Variants in CPXM2 observed in about 807,000 individuals in gnomAD.
CPXM2 encodes the protein inactive carboxypeptidase-like protein X2.
A neutral mutation model predicts 86.1 loss-of-function variants in CPXM2; 66 were observed. The observed-to-expected ratio is 0.77, with a 90% CI of 0.63 to 0.94. CPXM2 has a LOEUF of 0.94. Ranked by LOEUF, CPXM2 falls within the 40% of genes least tolerant of loss-of-function variation. CPXM2 has a pLI of 0.00. For missense variants in CPXM2, 948 were observed against 1,026.3 expected, an observed-to-expected ratio of 0.92 and a Z score of 1.04; for synonymous variants, 388 against 400.2, an observed-to-expected ratio of 0.97 and a Z score of 0.36.
At position 123,747,036 on chromosome 10, in the gene CPXM2, G is replaced by A. The variant is rs759993044; in HGVS notation, c.2018-19C>T. 6 of 1,612,702 alleles carry A rather than the reference G, an allele frequency of 3.7e-6. No homozygotes were observed. Among genetic ancestry groups the A allele is most frequent in the East Asian group, 2.2e-5 (1 of 44,880 alleles). On this transcript the variant is annotated intron_variant, in intron 13 of 13. Transcript: ENST00000241305. ...TCGTTGGCTGTGAAAAAGAAAACCA[G>A]GGGAGACTCAGAGCAGCTCTTGCTA... is the stretch of plus-strand genomic sequence containing the variant.
At chr10:123,798,237 T>A in intron 5 of CPXM2, 111 bp from the exon 6 acceptor site, 1 of 854,082 alleles carries the variant, frequency 1.2e-6, no homozygotes, top group Non-Finnish European at 1.6e-6. Flanking sequence ...ACCTAATGTG[T>A]GCTGTGCATT....
chr10:123,807,826 GA>G (rs573916403), intron 4 of CPXM2, among the ~76,000 whole-genome samples: 37 of 152,286 alleles, frequency 2.4e-4, no homozygotes, highest in African/African-American at 7.7e-4. Context: ...AATCTTCAGG[GA>G]AAGTTTAAAA....
At chr10:123,909,457 T>G (rs1251988143) in intron 2 of CPXM2, among the ~76,000 whole-genome samples, 2 of 152,242 alleles carry the variant, frequency 1.3e-5, no homozygotes, top group African/African-American at 4.8e-5. Context: ...GCTGTATAAT[T>G]TATATTCCAC....
rs1193216339 is a variant in CPXM2, at chr10:123,891,362, G to C, written c.298C>G (p.Pro100Ala). Residue 100 changes from proline to alanine, a missense_variant, in exon 1 of 14, where the codon CCA becomes GCA. Coordinates refer to ENST00000241305, the MANE Select transcript of CPXM2 (RefSeq NM_198148.3). This position sits in a 1 kb window ranked among gnomAD's most constrained non-coding sequence, Gnocchi z 5.6. ...AGCGCAGAAAGTTCCTTACCTGGTG[G>C]AGGCGGCTCCGGAGCCGACTTCTCC... ...KREKSAPEPP[P>A]PGKHSNKKVM... 2 of 1,548,014 alleles carry C rather than the reference G, an allele frequency of 1.3e-6. No homozygotes were observed. The highest frequency in any genetic ancestry group is 2.4e-5 in the South Asian group (2 of 82,946).
chr10:123,765,372 T>C (rs952952253), intron 10 of CPXM2, among the ~76,000 whole-genome samples: 2 of 152,222 alleles, frequency 1.3e-5, no homozygotes, highest in Admixed American at 1.3e-4. Context: ...CAAGCTCAAA[T>C]AACTAAATTC....
chr10:123,791,293 G>T (rs1401407407), intron 6 of CPXM2, among the ~76,000 whole-genome samples: 1 of 152,214 alleles, frequency 6.6e-6, no homozygotes, highest in Non-Finnish European at 1.5e-5. Flanking sequence ...GCACATGCCT[G>T]TAATCCCAGC....
chr10:123,820,967 G>A (rs546321728), intron 4 of CPXM2, among the ~76,000 whole-genome samples: 3 of 152,174 alleles, frequency 2.0e-5, no homozygotes, highest in Admixed American at 6.5e-5. Context: ...CTGAAGATTA[G>A]TATGTGAATG....
At chr10:123,910,782 G>A (rs553511476) in intron 2 of CPXM2, among the ~76,000 whole-genome samples, 5 of 152,302 alleles carry the variant, frequency 3.3e-5, no homozygotes, top group African/African-American at 1.2e-4. Flanking sequence ...TCACGGTCCT[G>A]AAGGCCAGAA....
At chr10:123,878,912 G>A (rs565944198) in intron 2 of CPXM2, among the ~76,000 whole-genome samples, 1 of 152,096 alleles carries the variant, frequency 6.6e-6, no homozygotes, top group Non-Finnish European at 1.5e-5. Context: ...TCAAGGTGAG[G>A]AGTCCTATTA....
At chr10:123,866,627 G>A (rs1040013519) in intron 2 of CPXM2, among the ~76,000 whole-genome samples, 2 of 152,074 alleles carry the variant, frequency 1.3e-5, no homozygotes, top group African/African-American at 4.8e-5. Flanking sequence ...CTGTTGACGT[G>A]GCAGGCAGGC....
At chr10:123,939,683 C>T (rs1049612593) in intron 1 of CPXM2, among the ~76,000 whole-genome samples, 2 of 152,230 alleles carry the variant, frequency 1.3e-5, no homozygotes, top group South Asian at 2.1e-4. Flanking sequence ...ATGGGGAGGC[C>T]GGGCCTAAGG....
intron 4 of CPXM2, among the ~76,000 whole-genome samples, chr10:123,832,319 G>C (rs1040364520): frequency 6.6e-6 from 1 of 152,132 alleles, no homozygotes; most frequent in East Asian, 1.9e-4. Context: ...GCACATACAA[G>C]ACCAGGCCTG....
At position 123,842,476 on chromosome 10, in the gene CPXM2, C is replaced by A. The variant is rs1318243446; in HGVS notation, c.526G>T (p.Glu176Ter). ...GRLNIQAGIN[E>*]NDFYDGAWCA... ...CACGCTCCGTCATAAAAATCATTTT[C>A]ATTAATGCCCGCCTAGAAAGAAAGA... The change falls in exon 4 of 14, where the codon GAA becomes TAA. Residue 176 changes from glutamate (E) to a stop codon, truncating the protein, a stop_gained. Transcript: ENST00000241305. LOFTEE classifies it high-confidence loss of function. 1 of 1,614,128 alleles carries A rather than the reference C, an allele frequency of 6.2e-7. No homozygotes were observed. The highest frequency in any genetic ancestry group is 2.2e-5 in the East Asian group (1 of 44,884).
chr10:123,778,076 T>C (rs1321097182), intron 7 of CPXM2, among the ~76,000 whole-genome samples: 1 of 151,906 alleles, frequency 6.6e-6, no homozygotes, highest in Non-Finnish European at 1.5e-5. Flanking sequence ...CACCTGCAGC[T>C]TCCCACTGCC....
At chr10:123,916,327 T>C (rs1248447487) in intron 2 of CPXM2, among the ~76,000 whole-genome samples, 4 of 152,126 alleles carry the variant, frequency 2.6e-5, no homozygotes, top group African/African-American at 9.7e-5. Flanking sequence ...GAGAAGCCAC[T>C]CTGCGCTGAT....
intron 2 of CPXM2, among the ~76,000 whole-genome samples, chr10:123,899,941 GT>G (rs1314659712): frequency 6.6e-6 from 1 of 152,032 alleles, no homozygotes; most frequent in Non-Finnish European, 1.5e-5. Context: ...AATTAATGAG[GT>G]TACTTATATC....
chr10:123,768,597 G>C lies in CPXM2; in HGVS notation c.1228C>G (p.Leu410Val), dbSNP rs1846550210. 1.2e-6 allele frequency: 2 copies of C among 1,614,058 alleles called. No homozygotes were observed. The highest frequency in any genetic ancestry group is 1.7e-6 in the Non-Finnish European group (2 of 1,179,980). ...YLARNARIVH[L>V]VEETRIHVLP... ...ACGTGAATCCGCGTCTCCTCCACCAGGTGGACGATGCGCGCATTCCGGGCC... is the reference window on the plus strand; with the variant it reads ...ACGTGAATCCGCGTCTCCTCCACCACGTGGACGATGCGCGCATTCCGGGCC... The change falls in exon 9 of 14, where the codon CTG (leucine) becomes GTG (valine). Residue 410 changes from leucine (L) to valine (V), a missense_variant. Physicochemically the swap from Leu to Val is conservative, Grantham distance 32. Transcript: ENST00000241305.
At position 123,770,939 on chromosome 10, in the gene CPXM2, T is replaced by C. The variant is rs761101657; in HGVS notation, c.1079A>G (p.Asp360Gly). The change falls in exon 8 of 14, where the codon GAT becomes GGT. Residue 360 changes from aspartate (D) to glycine (G), a missense_variant. Coordinates refer to ENST00000241305, the MANE Select transcript of CPXM2 (RefSeq NM_198148.3). ...GLKLYAVEISDHPGEHEVGEP... is the reference protein window; with the variant it reads ...GLKLYAVEISGHPGEHEVGEP... ...ACCGACTTCATGCTCCCCAGGGTGA[T>C]CTGAGATCTCCACAGCATACAGCTT... The C allele has an allele frequency of 2.5e-6, 4 of 1,611,234 alleles. No homozygotes were observed. The highest frequency in any genetic ancestry group is 3.4e-6 in the Non-Finnish European group (4 of 1,178,940).
intron 2 of CPXM2, among the ~76,000 whole-genome samples, chr10:123,868,818 T>C (rs994916598): frequency 6.6e-6 from 1 of 152,060 alleles, no homozygotes. Context: ...GAGGACTGCA[T>C]GGCACTTCCC....
Sources: allele counts gnomAD v4.1 joint callset (sites outside exome capture counted in the v4.1 genomes callset), GRCh38; gene constraint gnomAD v4.1.1; non-coding constraint Gnocchi (gnomAD v3.1); transcripts MANE v1.5; gene names NCBI Gene and HGNC (gene_info 2026-07-23, HGNC 2026-07-21).